NCOA7: variants seen among roughly 807,000 people sequenced by gnomAD.
NCOA7 encodes the protein nuclear receptor coactivator 7, also known as 140 kDa estrogen receptor-associated protein.
Under a neutral mutation model 104.3 loss-of-function variants are expected in NCOA7, and 45 were observed. The ratio of observed to expected loss-of-function variants is 0.43; its 90% CI spans 0.34 to 0.55. NCOA7 has a LOEUF of 0.55. Among genes scored for constraint, NCOA7 ranks in the 20% least tolerant of loss-of-function variants. The pLI, the probability that NCOA7 is intolerant of heterozygous loss-of-function variation, is 0.02. For missense variants in NCOA7, 1,041 were observed against 1,119.7 expected (o/e 0.93, Z 1.00); for synonymous variants, 398 against 402.3 (o/e 0.99, Z 0.13).
intron 11 of NCOA7, among the ~76,000 whole-genome samples, chr6:125,917,304 T>C (rs1312377849): frequency 6.6e-6 from 1 of 152,144 alleles, no homozygotes; most frequent in Admixed American, 6.5e-5. Context: ...AGGGCTCTTC[T>C]TTTTCTCTGC....
Position 125,855,120 on chromosome 6 carries a change from G to A in NCOA7, c.151G>A (p.Glu51Lys), listed in dbSNP as rs1781443670. The A allele has an allele frequency of 6.2e-7, 1 of 1,613,328 alleles. No homozygotes were observed. ...GKEDNNTVVL[E>K]PDKCNIAVEE... ...GGAAGATAATAATACAGTAGTTTTA[G>A]AGCCAGACAAGTGCAACATTGCTGT... is the stretch of plus-strand genomic sequence containing the variant. The change falls in exon 3 of 16, where the codon GAG becomes AAG. Residue 51 changes from glutamate to lysine, a missense_variant. Transcript: ENST00000392477.
chr6:125,798,555 A>G (rs1775562079), intron 1 of NCOA7, among the ~76,000 whole-genome samples: 1 of 152,250 alleles, frequency 6.6e-6, no homozygotes, highest in Admixed American at 6.5e-5. Context: ...GTAAATGTAT[A>G]TAAGATATTT....
intron 2 of NCOA7, among the ~76,000 whole-genome samples, chr6:125,852,050 C>T (rs1172212009): frequency 6.6e-6 from 1 of 152,048 alleles, no homozygotes; most frequent in East Asian, 1.9e-4. Flanking sequence ...TCTGTTTACT[C>T]TCATGATTTC....
rs530166925 is a variant in NCOA7, at chr6:125,793,976, T to A, written c.-65+2909T>A. Among the ~76,000 whole-genome samples the A allele has an allele frequency of 3.3e-5, 5 of 152,166 alleles. No individual in the cohort carries two copies. The South Asian group carries it at 8.3e-4, about 25-fold the overall frequency. Reference sequence around the variant, plus strand: ...TGAGAGAAATGATGTTTACGGGGGGTTGGCTGAACAAAGGCCATGACGTCA... The same window carrying A: ...TGAGAGAAATGATGTTTACGGGGGGATGGCTGAACAAAGGCCATGACGTCA... On this transcript the variant is annotated intron_variant, in intron 1 of 15. Transcript: ENST00000392477.
chr6:125,885,267 T>G lies in NCOA7; in HGVS notation c.808T>G (p.Cys270Gly). 1 of 1,614,110 alleles carries G rather than the reference T, an allele frequency of 6.2e-7. No individual in the cohort carries two copies. The highest frequency in any genetic ancestry group is 1.3e-5 in the African/African-American group (1 of 75,056). The change falls in exon 8 of 16, where the codon TGC (cysteine) becomes GGC (glycine). Residue 270 changes from cysteine to glycine, a missense_variant. Physicochemically the swap from Cys to Gly is radical, Grantham distance 159 (BLOSUM62 -3). Transcript: ENST00000392477. ...TGGGTGTGAGGAGTATGGTCTCATC[T>G]GCCCCATGGAAGAGGTTGTTTCCAT... ...ENGCEEYGLI[C>G]PMEEVVSIAL...
At chr6:125,839,449 C>G (rs894852277) in intron 2 of NCOA7, among the ~76,000 whole-genome samples, 3 of 152,066 alleles carry the variant, frequency 2.0e-5, no homozygotes, top group African/African-American at 7.3e-5. Context: ...TATCTGCTGT[C>G]CCCTCCCCTC....
chr6:125,788,314 C>T (rs542962781), upstream of NCOA7, among the ~76,000 whole-genome samples: 15 of 152,200 alleles, frequency 9.9e-5, no homozygotes, highest in South Asian at 1.9e-3. Context: ...TCATTTCTTC[C>T]GATTTATCTA....
chr6:125,883,567 C>G (rs1784020616), intron 7 of NCOA7, among the ~76,000 whole-genome samples: 1 of 152,180 alleles, frequency 6.6e-6, no homozygotes, highest in Admixed American at 6.5e-5. Flanking sequence ...CCACCCTCAT[C>G]TCCAGGAGGC....
chr6:125,863,933 G>T (rs1193135835), intron 3 of NCOA7, among the ~76,000 whole-genome samples: 1 of 137,726 alleles, frequency 7.3e-6, no homozygotes, highest in Non-Finnish European at 1.5e-5. Context: ...TGTGGGTGAG[G>T]ATTTCAACAT....
At chr6:125,894,737 A>G (rs1244142497) in intron 10 of NCOA7, among the ~76,000 whole-genome samples, 1 of 151,558 alleles carries the variant, frequency 6.6e-6, no homozygotes, top group South Asian at 2.1e-4. Context: ...TCCCATTTGC[A>G]CCAAGAATAC....
At chr6:125,910,528 T>C (rs1786440685) in intron 10 of NCOA7, among the ~76,000 whole-genome samples, 1 of 152,264 alleles carries the variant, frequency 6.6e-6, no homozygotes, top group Non-Finnish European at 1.5e-5. Flanking sequence ...TCATGTTTTC[T>C]AAGTTAACTT....
chr6:125,890,045 A>G (rs1042399637), intron 9 of NCOA7, 64 bp downstream of exon 9: 2 of 1,209,768 alleles, frequency 1.7e-6, no homozygotes, highest in Admixed American at 5.0e-5. Context: ...CAATTTGCAC[A>G]TGTAATACCC....
At chr6:125,810,826 G>T (rs925015715) in intron 1 of NCOA7, among the ~76,000 whole-genome samples, 2 of 152,064 alleles carry the variant, frequency 1.3e-5, no homozygotes, top group African/African-American at 4.8e-5. Flanking sequence ...TTAAACCAAA[G>T]ATTAGCATAT....
intron 3 of NCOA7, among the ~76,000 whole-genome samples, chr6:125,857,963 G>A (rs942541607): frequency 7.3e-5 from 11 of 151,402 alleles, no homozygotes; most frequent in Admixed American, 2.0e-4. Flanking sequence ...ATACTCTGTC[G>A]CGTGTGTAAT....
intron 11 of NCOA7, 72 bp from the exon 12 acceptor site, chr6:125,920,871 A>G (rs2128696449): frequency 6.4e-7 from 1 of 1,571,326 alleles, no homozygotes; most frequent in Non-Finnish European, 8.7e-7. Context: ...GTGTCCCTAG[A>G]GTGATTTTTT....
chr6:125,862,143 A>C lies in NCOA7; in HGVS notation c.271+6903A>C, dbSNP rs913248420. Among the ~76,000 whole-genome samples the C allele has an allele frequency of 9.6e-5, 13 of 135,994 alleles. 2 individuals are homozygous for C. In the South Asian group the frequency reaches 2.7e-3, roughly 28 times the overall value. The allele number at this position is 135,994 out of a possible 152,430, so 89.2% of individuals were successfully genotyped here. ...AAGGTGTTCTTGGTGAAGAGGATAG[A>C]ACCACGGGAGTAAAAACAGTCATCA... On this transcript the variant is annotated intron_variant, in intron 3 of 15. Coordinates refer to ENST00000392477, the MANE Select transcript of NCOA7 (RefSeq NM_181782.5).
In NCOA7 at chr6:125,922,776, G is replaced by A. The variant is rs753338853; in HGVS notation, c.2465G>A (p.Arg822Gln). ...EHGTSLKTLY[R>Q]KSASLDSPVL... ...GGGACCAGCTTAAAGACGCTCTACC[G>A]GAAATCGGCATCACTAGACAGTCCT... is the stretch of plus-strand genomic sequence containing the variant. The change falls in exon 13 of 16, where the codon CGG becomes CAG. Residue 822 changes from arginine to glutamine, a missense_variant. Around this residue, in one of 2 missense-constraint regions of NCOA7, gnomAD observed 127 missense variants for 177.0 expected, o/e 0.72. Coordinates refer to ENST00000392477, the MANE Select transcript of NCOA7 (RefSeq NM_181782.5). The A allele has an allele frequency of 1.3e-5, 21 of 1,613,948 alleles. No individual in the cohort carries two copies. The African/African-American group carries it at 1.5e-4, about 11-fold the overall frequency.
At chr6:125,891,951 G>T (rs138446564) in intron 10 of NCOA7, among the ~76,000 whole-genome samples, 2 of 152,144 alleles carry the variant, frequency 1.3e-5, no homozygotes, top group East Asian at 1.9e-4. Context: ...AGGAGAAAAT[G>T]TGTCTCTTTT....
chr6:125,827,641 G>A (rs1778776160), intron 2 of NCOA7, among the ~76,000 whole-genome samples: 1 of 152,162 alleles, frequency 6.6e-6, no homozygotes, highest in African/African-American at 2.4e-5. Flanking sequence ...ACAAGCAGGA[G>A]TTCACCAGGT....
Sources: allele counts gnomAD v4.1 joint callset (sites outside exome capture counted in the v4.1 genomes callset), GRCh38; gene constraint gnomAD v4.1.1; regional missense constraint gnomAD v4.1.1; transcripts MANE v1.5; gene names NCBI Gene and HGNC (gene_info 2026-07-23, HGNC 2026-07-21).